The following NOS1AP variants were observed in gnomAD, a reference collection of about 807,000 sequenced individuals.
NOS1AP encodes the protein nitric oxide synthase 1 adaptor protein.
NOS1AP carries 21 observed loss-of-function variants against 56.2 expected under a neutral mutation model. The ratio of observed to expected loss-of-function variants is 0.37; its 90% confidence interval spans 0.26 to 0.54. The LOEUF (loss-of-function observed/expected upper bound fraction) is 0.54, where lower values mean the gene tolerates loss of function less well. Among genes scored for constraint, NOS1AP ranks in the 20% least tolerant of loss-of-function variants. The pLI, the probability that NOS1AP is intolerant of heterozygous loss-of-function variation, is 0.84. For missense variants in NOS1AP, 522 were observed against 657.8 expected, an observed-to-expected ratio of 0.79 and a Z score of 2.26; for synonymous variants, 270 against 274.6, an observed-to-expected ratio of 0.98 and a Z score of 0.17.
intron 2 of NOS1AP, among the ~76,000 whole-genome samples, chr1:162,212,410 A>G (rs897919271): frequency 2.6e-5 from 4 of 152,106 alleles, no homozygotes; most frequent in Admixed American, 6.5e-5. Context: ...CCCTCATGAA[A>G]CACAGTCTAG....
chr1:162,131,291 C>A (rs1430271085), intron 1 of NOS1AP, among the ~76,000 whole-genome samples: 1 of 151,740 alleles, frequency 6.6e-6, no homozygotes, highest in Admixed American at 6.6e-5. Flanking sequence ...AAATAAGCCT[C>A]TTTCCGTGGG....
At chr1:162,267,534 T>C (rs1431129856) in intron 2 of NOS1AP, among the ~76,000 whole-genome samples, 1 of 145,884 alleles carries the variant, frequency 6.9e-6, no homozygotes, top group Non-Finnish European at 1.5e-5. Flanking sequence ...AAAGCCAAGG[T>C]GAGAGGATCA....
chr1:162,360,431 CAT>C (rs1657863834), intron 8 of NOS1AP: 2 of 179,160 alleles, frequency 1.1e-5, no homozygotes, highest in Non-Finnish European at 2.4e-5. Context: ...GCTGGGCCGA[CAT>C]AGTCTCAGAA....
At chr1:162,111,803 G>C (rs1461877240) in intron 1 of NOS1AP, among the ~76,000 whole-genome samples, 1 of 152,176 alleles carries the variant, frequency 6.6e-6, no homozygotes, top group African/African-American at 2.4e-5. Flanking sequence ...AAGCTGCTCT[G>C]CCCCTGGTCA....
chr1:162,228,276 C>T (rs190054361), intron 2 of NOS1AP, among the ~76,000 whole-genome samples: 6 of 152,284 alleles, frequency 3.9e-5, no homozygotes, highest in Admixed American at 6.5e-5. Flanking sequence ...ACTAATCCTT[C>T]CACTGTGAAT....
chr1:162,299,578 G>C (rs930703905), intron 3 of NOS1AP, among the ~76,000 whole-genome samples: 1 of 152,054 alleles, frequency 6.6e-6, no homozygotes, highest in Admixed American at 6.6e-5. Context: ...AATTTTATAG[G>C]GTAGTCAGTA....
chr1:162,109,562 G>C (rs572188946), intron 1 of NOS1AP, among the ~76,000 whole-genome samples: 1 of 152,050 alleles, frequency 6.6e-6, no homozygotes, highest in Non-Finnish European at 1.5e-5. Flanking sequence ...TGAGTAATGC[G>C]TTTATTCATT....
chr1:162,339,261 C>T lies in NOS1AP; in HGVS notation c.454-4574C>T, dbSNP rs184688017. On this transcript the variant is annotated intron_variant, in intron 5 of 9. Coordinates refer to ENST00000361897, the MANE Select transcript of NOS1AP (RefSeq NM_014697.3). ...CCAGCCTAATCTTGACAATGAAGAG[C>T]CCACAAATGCTTTTGGGCTGCTAAT... Among the ~76,000 whole-genome samples the T allele has an allele frequency of 2.0e-4, 30 of 152,230 alleles. 1 individual carries two copies. In the East Asian group the frequency reaches 5.6e-3, roughly 28 times the overall value.
At chr1:162,104,813 A>G (rs1647434411) in intron 1 of NOS1AP, among the ~76,000 whole-genome samples, 1 of 151,982 alleles carries the variant, frequency 6.6e-6, no homozygotes, top group South Asian at 2.1e-4. Flanking sequence ...GTATTGTTTT[A>G]TCATGATTCC....
In NOS1AP at chr1:162,365,723, C is replaced by A. The variant is rs553926170; in HGVS notation, c.1105+154C>A. 6.6e-5 allele frequency among the ~76,000 whole-genome samples: 10 copies of A among 152,264 alleles called. No homozygotes were observed. The South Asian group carries it at 1.9e-3, about 28-fold the overall frequency. The stretch of plus-strand genomic sequence containing the variant: ...GCAGCTTTGTTTTCCCATTAGTATA[C>A]TTAATGAATTACAGAATCACATGCC... On this transcript the variant is annotated intron_variant, in intron 9 of 9. Transcript: ENST00000361897.
chr1:162,290,278 C>T (rs370501102), intron 3 of NOS1AP, among the ~76,000 whole-genome samples: 36 of 152,320 alleles, frequency 2.4e-4, no homozygotes, highest in Admixed American at 9.8e-4. Flanking sequence ...ACTTAGTGTC[C>T]GTTCCAGGGC....
chr1:162,339,489 C>T (rs423125), intron 5 of NOS1AP, among the ~76,000 whole-genome samples: 133,810 of 152,054 alleles, frequency 0.88, 59,659 homozygotes, highest in Non-Finnish European at 0.95. Flanking sequence ...ACTTGTTTAC[C>T]CTTTGTACCT....
chr1:162,118,999 A>G (rs1255368623), intron 1 of NOS1AP, among the ~76,000 whole-genome samples: 1 of 152,200 alleles, frequency 6.6e-6, no homozygotes, highest in Non-Finnish European at 1.5e-5. Flanking sequence ...GGTCCCTATG[A>G]TAAGAGCCAC....
chr1:162,173,596 G>T (rs1054492599), intron 2 of NOS1AP, among the ~76,000 whole-genome samples: 5 of 152,202 alleles, frequency 3.3e-5, no homozygotes, highest in Non-Finnish European at 7.3e-5. Context: ...AAGAGCTTCT[G>T]CACGCAAAAG....
intron 2 of NOS1AP, among the ~76,000 whole-genome samples, chr1:162,211,633 A>G (rs145917307): frequency 6.6e-6 from 1 of 152,278 alleles, no homozygotes; most frequent in Admixed American, 6.5e-5. Context: ...CCAGTGAGGC[A>G]GTGGGTTGTT....
chr1:162,194,381 T>C (rs1187203642), intron 2 of NOS1AP, among the ~76,000 whole-genome samples: 1 of 152,142 alleles, frequency 6.6e-6, no homozygotes, highest in Non-Finnish European at 1.5e-5. Context: ...GAGTTTGCGC[T>C]GGTTTGGGAA....
At position 162,117,972 on chromosome 1, in the gene NOS1AP, T is replaced by C. The variant is rs1023580085; in HGVS notation, c.106-36433T>C. Among the ~76,000 whole-genome samples, 3 of 152,200 alleles carry C rather than the reference T, an allele frequency of 2.0e-5. No homozygotes were observed. The East Asian group carries it at 5.8e-4, about 29-fold the overall frequency. On this transcript the variant is annotated intron_variant, in intron 1 of 9. Coordinates refer to ENST00000361897, the MANE Select transcript of NOS1AP (RefSeq NM_014697.3). ...CTTCCACTTTCTTACCACACATCAG[T>C]CAGTGAACATTTATCATATCTTCTA...
rs73017391 is a variant in NOS1AP at position 162,233,700 on chromosome 1, T to C, written c.178-53644T>C. 8.9e-3 allele frequency among the ~76,000 whole-genome samples: 1,353 copies of C among 152,322 alleles called. 21 individuals are homozygous for C. Among genetic ancestry groups the C allele is most frequent in the African/African-American group, 0.031 (1,289 of 41,564 alleles). ...TATTGTCCAATCCCAAAGATAGATA[T>C]GACTTTCTGGGACTTTATTTGCAAG... On this transcript the variant is annotated intron_variant, in intron 2 of 9. Coordinates refer to ENST00000361897, the MANE Select transcript of NOS1AP (RefSeq NM_014697.3).
chr1:162,124,701 T>C (rs1436189303), intron 1 of NOS1AP, among the ~76,000 whole-genome samples: 1 of 152,092 alleles, frequency 6.6e-6, no homozygotes, highest in Admixed American at 6.5e-5. Context: ...TTTTGTATTT[T>C]TAGCAGCAAT....
Sources: allele counts gnomAD v4.1 joint callset (sites outside exome capture counted in the v4.1 genomes callset), GRCh38; gene constraint gnomAD v4.1.1; transcripts MANE v1.5; gene names NCBI Gene and HGNC (gene_info 2026-07-23, HGNC 2026-07-21).